AK9: variants seen among roughly 807,000 people sequenced by gnomAD.
AK9 encodes adenylate kinase 9.
Under a neutral mutation model 239.6 loss-of-function variants are expected in AK9, and 191 were observed. The observed-to-expected ratio is 0.80, with a 90% CI of 0.71 to 0.90. The LOEUF (loss-of-function observed/expected upper bound fraction) is 0.90. AK9 is among the 40% of genes least tolerant of loss of function. The probability of loss-of-function intolerance (pLI) is 0.00; values close to 1 mark genes in which losing one functional copy is unlikely to be tolerated. For synonymous variants in AK9, 689 were observed against 721.0 expected, an observed-to-expected ratio of 0.96 and a Z score of 0.71; for missense variants, 1,995 against 2,214.7, an observed-to-expected ratio of 0.90 and a Z score of 1.99.
intron 8 of AK9, among the ~76,000 whole-genome samples, chr6:109,646,788 C>T (rs1798122100): frequency 6.6e-6 from 1 of 152,062 alleles, no homozygotes; most frequent in Non-Finnish European, 1.5e-5. Flanking sequence ...ACATAATTGT[C>T]AGATTCACCA....
intron 40 of AK9, 53 bp from the exon 41 acceptor site, chr6:109,493,624 TAAATGAAAGA>T: frequency 6.8e-7 from 1 of 1,475,466 alleles, no homozygotes; most frequent in Non-Finnish European, 9.4e-7. Flanking sequence ...AGTGAGTCAT[TAAATGAAAGA>T]GACCTGGATG....
chr6:109,558,867 CT>C (rs34860829), intron 24 of AK9, among the ~76,000 whole-genome samples: 131,263 of 141,764 alleles, frequency 0.93, 60,794 homozygotes, highest in African/African-American at 0.95. Flanking sequence ...GGTATATTTA[CT>C]TTTTTTTTTT....
At chr6:109,521,104 T>C (rs1779816118) in intron 29 of AK9, among the ~76,000 whole-genome samples, 1 of 152,102 alleles carries the variant, frequency 6.6e-6, no homozygotes, top group African/African-American at 2.4e-5. Context: ...TCACTGATTG[T>C]TCTTTGCATC....
chr6:109,642,240 A>G (rs142625797), intron 9 of AK9, among the ~76,000 whole-genome samples: 8 of 152,312 alleles, frequency 5.3e-5, no homozygotes, highest in African/African-American at 1.9e-4. Flanking sequence ...TTAAGCTACC[A>G]GTTTGTGGCA....
intron 27 of AK9, among the ~76,000 whole-genome samples, chr6:109,534,715 T>A (rs1380783965): frequency 6.6e-6 from 1 of 152,152 alleles, no homozygotes; most frequent in Non-Finnish European, 1.5e-5. Context: ...CATTAACTCG[T>A]CATTTACATT....
intron 8 of AK9, among the ~76,000 whole-genome samples, chr6:109,650,982 CA>C (rs1490186100): frequency 6.6e-6 from 1 of 151,398 alleles, no homozygotes; most frequent in South Asian, 2.1e-4. Flanking sequence ...ATCGCAAGGA[CA>C]AAAAACCAAA....
chr6:109,574,104 T>A (rs1048784831), intron 20 of AK9, among the ~76,000 whole-genome samples: 1 of 152,218 alleles, frequency 6.6e-6, no homozygotes, highest in African/African-American at 2.4e-5. Flanking sequence ...ATATTATGTT[T>A]CTAATGGGTA....
rs532409477 is a variant in AK9 at position 109,687,973 on chromosome 6, T to C, written c.-12+3174A>G. Among the ~76,000 whole-genome samples, 189 of 149,868 alleles carry C rather than the reference T, an allele frequency of 1.3e-3. 1 individual carries two copies. The highest frequency in any genetic ancestry group is 2.4e-3 in the Non-Finnish European group (164 of 67,978). Reference sequence around the variant, plus strand: ...CAGTAGACATGAGCCAATCTTTGCTTCTGGTCACCTCAATGCTTGCATAAT... The same window carrying C: ...CAGTAGACATGAGCCAATCTTTGCTCCTGGTCACCTCAATGCTTGCATAAT... On this transcript the variant is annotated intron_variant, in intron 1 of 40. Coordinates refer to ENST00000424296, the MANE Select transcript of AK9 (RefSeq NM_001145128.3).
intron 8 of AK9, among the ~76,000 whole-genome samples, chr6:109,649,621 G>A (rs1332639747): frequency 6.6e-6 from 1 of 152,108 alleles, no homozygotes; most frequent in Non-Finnish European, 1.5e-5. Flanking sequence ...CATGCTCATG[G>A]GTAGGAACAA....
At position 109,515,841 on chromosome 6, in the gene AK9, C is replaced by A. The variant is rs1010026261; in HGVS notation, c.4065+16G>T. On this transcript the variant is annotated intron_variant, in intron 31 of 40. Coordinates refer to ENST00000424296, the MANE Select transcript of AK9 (RefSeq NM_001145128.3). Reference sequence around the variant, plus strand: ...AAATAAGGAACATGGCTTTCAGGTGCGTTTGCTGAAATTACCTTTACAGGG... The same window carrying A: ...AAATAAGGAACATGGCTTTCAGGTGAGTTTGCTGAAATTACCTTTACAGGG... 6.6e-7 allele frequency: 1 copy of A among 1,523,688 alleles called. No individual in the cohort carries two copies. The highest frequency in any genetic ancestry group is 1.4e-5 in the African/African-American group (1 of 72,262). 94.4% of individuals were successfully genotyped at this position (1,523,688 alleles called of 1,614,324 possible).
intron 2 of AK9, among the ~76,000 whole-genome samples, chr6:109,675,069 A>G (rs2128340618): frequency 6.6e-6 from 1 of 152,322 alleles, no homozygotes. Context: ...GTAAAGCCTG[A>G]GGCATGGTGC....
chr6:109,649,960 A>T (rs982524736), intron 8 of AK9, among the ~76,000 whole-genome samples: 7 of 152,304 alleles, frequency 4.6e-5, no homozygotes, highest in Non-Finnish European at 7.4e-5. Context: ...TCTTTGACAA[A>T]TCTGACAAAA....
intron 39 of AK9, among the ~76,000 whole-genome samples, chr6:109,494,759 T>A (rs1162587793): frequency 2.0e-5 from 3 of 152,200 alleles, no homozygotes; most frequent in Admixed American, 6.5e-5. Flanking sequence ...AGACTTTTTT[T>A]AAAAAAAGCT....
chr6:109,549,434 C>T (rs369270265), intron 25 of AK9, among the ~76,000 whole-genome samples: 5 of 152,274 alleles, frequency 3.3e-5, no homozygotes, highest in East Asian at 3.9e-4. Flanking sequence ...CTGTAAAAGA[C>T]CATCATCCTG....
intron 17 of AK9, among the ~76,000 whole-genome samples, chr6:109,606,449 C>G (rs1792895354): frequency 6.6e-6 from 1 of 152,090 alleles, no homozygotes; most frequent in Admixed American, 6.5e-5. Context: ...TAGAGGGAAA[C>G]CATGTAGACA....
chr6:109,669,854 C>T (rs1366949468), intron 5 of AK9, among the ~76,000 whole-genome samples: 2 of 152,148 alleles, frequency 1.3e-5, no homozygotes, highest in Non-Finnish European at 1.5e-5. Flanking sequence ...GGGCAGAAGG[C>T]GCTTTAGGTT....
At chr6:109,552,103 T>G (rs1784437854) in intron 24 of AK9, among the ~76,000 whole-genome samples, 1 of 152,182 alleles carries the variant, frequency 6.6e-6, no homozygotes, top group Non-Finnish European at 1.5e-5. Context: ...TATACCACAT[T>G]TTCTTTATCC....
At chr6:109,523,363 G>A (rs1780080497) in intron 29 of AK9, among the ~76,000 whole-genome samples, 1 of 151,990 alleles carries the variant, frequency 6.6e-6, no homozygotes, top group Admixed American at 6.6e-5. Context: ...TAGTCCTCAA[G>A]TTGGAAGATG....
chr6:109,532,124 G>A (rs1315130634), intron 28 of AK9, among the ~76,000 whole-genome samples: 1 of 152,166 alleles, frequency 6.6e-6, no homozygotes, highest in Non-Finnish European at 1.5e-5. Context: ...TTAAGTCTTA[G>A]TATCTCAGAA....
Sources: allele counts gnomAD v4.1 joint callset (sites outside exome capture counted in the v4.1 genomes callset), GRCh38; gene constraint gnomAD v4.1.1; transcripts MANE v1.5; gene names NCBI Gene and HGNC (gene_info 2026-07-23, HGNC 2026-07-21).